SLC24A3: variants seen among roughly 807,000 people sequenced by gnomAD.
SLC24A3 encodes the protein sodium/potassium/calcium exchanger 3.
Under a neutral mutation model 75.8 loss-of-function variants are expected in SLC24A3, and 28 were observed. The observed-to-expected ratio is 0.37, with a 90% confidence interval of 0.27 to 0.51. The LOEUF (loss-of-function observed/expected upper bound fraction) is 0.51. Among genes scored for constraint, SLC24A3 ranks in the 20% least tolerant of loss-of-function variants. SLC24A3 has a pLI of 0.94. For missense variants in SLC24A3, 663 were observed against 847.8 expected (o/e 0.78, Z 2.71); for synonymous variants, 372 against 334.1 (o/e 1.11, Z -1.24).
chr20:19,402,387 G>A (rs1022804070), intron 2 of SLC24A3, among the ~76,000 whole-genome samples: 1 of 152,184 alleles, frequency 6.6e-6, no homozygotes, highest in Non-Finnish European at 1.5e-5. Context: ...GCAGCCTAAA[G>A]TTTGCTTCAG....
chr20:19,224,841 T>C (rs996825030), intron 1 of SLC24A3, among the ~76,000 whole-genome samples: 5 of 152,216 alleles, frequency 3.3e-5, no homozygotes, highest in Non-Finnish European at 7.3e-5. Flanking sequence ...AAGTTAAGGT[T>C]ATAAAAATAT....
Position 19,666,514 on chromosome 20 carries a change from CA to C in SLC24A3, c.713+635del, listed in dbSNP as rs1164494652. ...CAGTGAGACTCCATCCCCCACCCCC[CA>C]AAAAAAAAATTGTGTCCAAACCAAG... On this transcript the variant is annotated intron_variant, in intron 8 of 16. Coordinates refer to ENST00000328041, the MANE Select transcript of SLC24A3 (RefSeq NM_020689.4). Among the ~76,000 whole-genome samples, 951 of 149,510 alleles carry C rather than the reference CA, an allele frequency of 6.4e-3. 6 individuals carry two copies. The highest frequency in any genetic ancestry group is 0.019 in the African/African-American group (763 of 40,792).
intron 4 of SLC24A3, among the ~76,000 whole-genome samples, chr20:19,584,652 G>A (rs756956227): frequency 6.6e-6 from 1 of 152,150 alleles, no homozygotes; most frequent in Non-Finnish European, 1.5e-5. Flanking sequence ...AGCCCCTGCG[G>A]GAATTGGGTT....
At chr20:19,515,206 G>C (rs1035446082) in intron 2 of SLC24A3, among the ~76,000 whole-genome samples, 1 of 152,216 alleles carries the variant, frequency 6.6e-6, no homozygotes, top group Non-Finnish European at 1.5e-5. Context: ...ACCACCATAA[G>C]ATTGAAGCAG....
At chr20:19,613,104 C>A (rs2031692361) in intron 6 of SLC24A3, among the ~76,000 whole-genome samples, 1 of 152,206 alleles carries the variant, frequency 6.6e-6, no homozygotes, top group African/African-American at 2.4e-5. Flanking sequence ...TCACCCTACT[C>A]ACATGTTCAC....
At chr20:19,558,964 T>G (rs1230429599) in intron 3 of SLC24A3, among the ~76,000 whole-genome samples, 1 of 152,230 alleles carries the variant, frequency 6.6e-6, no homozygotes, top group Non-Finnish European at 1.5e-5. Flanking sequence ...CAATAGTTAG[T>G]GTCTACAGAT....
At chr20:19,641,519 G>A (rs975109179) in intron 6 of SLC24A3, among the ~76,000 whole-genome samples, 2 of 152,172 alleles carry the variant, frequency 1.3e-5, no homozygotes, top group East Asian at 1.9e-4. Flanking sequence ...TACAAAATGC[G>A]CTGTGACTTC....
intron 2 of SLC24A3, among the ~76,000 whole-genome samples, chr20:19,381,476 C>T (rs111768887): frequency 0.027 from 4,167 of 152,158 alleles, 197 homozygotes; most frequent in African/African-American, 0.094. Flanking sequence ...TTGAACTATG[C>T]AGATGACTGG....
chr20:19,662,825 A>G (rs988433924), intron 7 of SLC24A3, among the ~76,000 whole-genome samples: 1 of 152,178 alleles, frequency 6.6e-6, no homozygotes, highest in Non-Finnish European at 1.5e-5. Flanking sequence ...AGCAAACTCA[A>G]GTGAAAGGAA....
chr20:19,646,645 G>T (rs1425849641), intron 6 of SLC24A3, among the ~76,000 whole-genome samples: 1 of 152,114 alleles, frequency 6.6e-6, no homozygotes, highest in Non-Finnish European at 1.5e-5. Flanking sequence ...TCACAAAGTG[G>T]GCACACGTGG....
intron 2 of SLC24A3, among the ~76,000 whole-genome samples, chr20:19,370,448 T>C (rs1985972910): frequency 6.6e-6 from 1 of 152,226 alleles, no homozygotes; most frequent in African/African-American, 2.4e-5. Context: ...ACAGCCTCTA[T>C]GGGAACATTT....
intron 8 of SLC24A3, among the ~76,000 whole-genome samples, chr20:19,671,856 G>T (rs559999920): frequency 6.6e-6 from 1 of 152,034 alleles, no homozygotes; most frequent in African/African-American, 2.4e-5. Flanking sequence ...CACCTAGGGA[G>T]AAAACATAGG....
intron 1 of SLC24A3, among the ~76,000 whole-genome samples, chr20:19,225,683 A>G (rs377234743): frequency 6.6e-6 from 1 of 152,166 alleles, no homozygotes; most frequent in Non-Finnish European, 1.5e-5. Context: ...ATGGAGTTCT[A>G]TAGTTTATAA....
chr20:19,415,090 C>A (rs1193988057), intron 2 of SLC24A3, among the ~76,000 whole-genome samples: 1 of 152,084 alleles, frequency 6.6e-6, no homozygotes, highest in African/African-American at 2.4e-5. Context: ...ATGTGTATAT[C>A]GAGCTTTAGA....
intron 1 of SLC24A3, among the ~76,000 whole-genome samples, chr20:19,263,010 C>T (rs188707923): frequency 1.1e-4 from 17 of 151,020 alleles, no homozygotes; most frequent in East Asian, 7.9e-4. Context: ...TAGAATCCCT[C>T]GCTCCATCAC....
chr20:19,361,555 T>C (rs1314718156), intron 2 of SLC24A3, among the ~76,000 whole-genome samples: 1 of 152,228 alleles, frequency 6.6e-6, no homozygotes, highest in Non-Finnish European at 1.5e-5. Flanking sequence ...TTGATAGAGC[T>C]TTGGGTTACA....
chr20:19,419,892 T>TA (rs1251366857), intron 2 of SLC24A3, among the ~76,000 whole-genome samples: 2 of 138,100 alleles, frequency 1.4e-5, no homozygotes, highest in Non-Finnish European at 3.1e-5. Context: ...GTTAGTTACA[T>TA]ATGTATACAT....
intron 13 of SLC24A3, chr20:19,694,567 C>G (rs1321607296): frequency 6.6e-6 from 1 of 152,152 alleles, no homozygotes; most frequent in Non-Finnish European, 1.5e-5. Flanking sequence ...ATGTTTTCAT[C>G]TGACATATGC....
At chr20:19,666,845 C>A (rs934210062) in intron 8 of SLC24A3, among the ~76,000 whole-genome samples, 1 of 152,168 alleles carries the variant, frequency 6.6e-6, no homozygotes, top group Admixed American at 6.5e-5. Flanking sequence ...TCCAACTGTT[C>A]AAATCCTCGT....
Sources: gnomAD v4.1 joint callset for allele counts (sites outside exome capture counted in the v4.1 genomes callset) on GRCh38, gnomAD v4.1.1 for gene constraint, MANE v1.5 for transcripts, NCBI Gene and HGNC (gene_info 2026-07-23, HGNC 2026-07-21) for gene names.